The following CASTOR1 variants were observed in gnomAD, a reference collection of about 807,000 sequenced individuals.
CASTOR1 encodes GATS protein like 3.
A neutral mutation model predicts 33.7 loss-of-function variants in CASTOR1; 18 were observed. The observed-to-expected ratio is 0.53, with a 90% CI of 0.37 to 0.79. The LOEUF is 0.79. Ranked by LOEUF, CASTOR1 falls within the 30% of genes least tolerant of loss-of-function variation. The pLI, the probability that CASTOR1 is intolerant of heterozygous loss-of-function variation, is 0.00. For missense variants in CASTOR1, 362 were observed against 446.3 expected, an observed-to-expected ratio of 0.81 and a Z score of 1.70; for synonymous variants, 175 against 190.6, an observed-to-expected ratio of 0.92 and a Z score of 0.67.
At chr22:30,289,089 A>C in intron 1 of CASTOR1, 1 of 558,888 alleles carries the variant, frequency 1.8e-6, no homozygotes, top group East Asian at 3.2e-5. Flanking sequence ...ACATGAAGGG[A>C]GGCGTCCTGG....
At chr22:30,286,182 C>T in intron 6 of CASTOR1, 81 bp downstream of exon 6, 2 of 1,440,170 alleles carry the variant, frequency 1.4e-6, no homozygotes, top group African/African-American at 1.4e-5. Flanking sequence ...CACCTGCTGA[C>T]CTCAGAGTCT....
intron 5 of CASTOR1, 108 bp from the exon 6 acceptor site, chr22:30,286,484 C>T (rs906145649): frequency 8.9e-6 from 7 of 783,192 alleles, no homozygotes; most frequent in Admixed American, 2.2e-5. Flanking sequence ...GTGGCCTGGG[C>T]AGGCTCTGCC....
intron 6 of CASTOR1, 52 bp downstream of exon 6, chr22:30,286,211 T>A: frequency 6.8e-7 from 1 of 1,475,416 alleles, no homozygotes; most frequent in Non-Finnish European, 9.4e-7. Flanking sequence ...ACCTCCTCCC[T>A]GCCTGGGACT....
At chr22:30,288,996 A>G in intron 1 of CASTOR1, 1 of 532,966 alleles carries the variant, frequency 1.9e-6, no homozygotes, top group East Asian at 3.3e-5. Flanking sequence ...CCACCCCTCC[A>G]CTCCTGGAGG....
chr22:30,286,011 C>A lies in CASTOR1; in HGVS notation c.826+5G>T. The A allele has an allele frequency of 6.3e-7, 1 of 1,595,404 alleles. No individual in the cohort carries two copies. The stretch of plus-strand genomic sequence containing the variant: ...CAGCCCCCCAACACCGGGAACAGCC[C>A]TCACCAAAGCCCAGGGGCTGTCCAC... On this transcript the variant is annotated splice_donor_5th_base_variant and intron_variant, in intron 7 of 8. Coordinates refer to ENST00000407689, the MANE Select transcript of CASTOR1 (RefSeq NM_001037666.3).
intron 5 of CASTOR1, 148 bp from the exon 6 acceptor site, chr22:30,286,524 C>T: frequency 4.4e-6 from 3 of 676,712 alleles, no homozygotes; most frequent in Non-Finnish European, 7.6e-6. Flanking sequence ...GGGTCCAGCC[C>T]TCTGGAAGGT....
At position 30,289,503 on chromosome 22, in the gene CASTOR1, C is replaced by T; in HGVS notation, c.-6G>A. 6.4e-7 allele frequency: 1 copy of T among 1,553,442 alleles called. No individual in the cohort carries two copies. Among genetic ancestry groups the T allele is most frequent in the East Asian group, 2.6e-5 (1 of 38,954 alleles). ...TCTAGGATGTGCAGCTCCATCGCGG[C>T]TCGCGCGGACCCGACCCCGCCGCCA... On this transcript the variant is annotated 5_prime_UTR_variant, in exon 1 of 9. Transcript: ENST00000407689.
rs758257661 is a variant in CASTOR1 at position 30,289,400 on chromosome 22, A to G, written c.98T>C (p.Leu33Pro). 1 of 1,592,132 alleles carries G rather than the reference A, an allele frequency of 6.3e-7. No individual in the cohort carries two copies. Among genetic ancestry groups the G allele is most frequent in the Admixed American group, 1.7e-5 (1 of 57,678 alleles). ...GGGCGCGCACCGGCTGCGGCGGGGC[A>G]GGAAGAGCAGCTTGATGAGCGGGTG... ...YTHPLIKLLF[L>P]PRRSRCKFFS... The change falls in exon 1 of 9, where the codon CTG becomes CCG. Residue 33 changes from leucine (L) to proline (P), a missense_variant. Transcript: ENST00000407689.
In CASTOR1 at chr22:30,286,065, C is replaced by G. The variant is rs753908989; in HGVS notation, c.777G>C (p.Ser259=). 6.3e-7 allele frequency: 1 copy of G among 1,582,140 alleles called. No homozygotes were observed. The highest frequency in any genetic ancestry group is 8.6e-7 in the Non-Finnish European group (1 of 1,162,244). The change falls in exon 7 of 9, where the codon TCG becomes TCC. Residue 259 remains serine, a synonymous_variant. Coordinates refer to ENST00000407689, the MANE Select transcript of CASTOR1 (RefSeq NM_001037666.3). The part of the protein sequence containing the change: ...FPSDLLLTSS[S]GELWRMVRIG... Reference sequence around the variant, plus strand: ...TGCGCACCATCCTCCACAGCTCCCCCGAGGAGCTGGTCAGCAGGAGGTCAC... The same window carrying G: ...TGCGCACCATCCTCCACAGCTCCCCGGAGGAGCTGGTCAGCAGGAGGTCAC...
intron 6 of CASTOR1, 55 bp from the exon 7 acceptor site, chr22:30,286,153 G>T: frequency 7.0e-7 from 1 of 1,438,206 alleles, no homozygotes; most frequent in African/African-American, 1.4e-5. Flanking sequence ...CTGCCTGACC[G>T]TGAGCTCTGG....
chr22:30,287,623 TCA>T (rs774190144), intron 2 of CASTOR1, 63 bp from the exon 3 acceptor site: 6 of 1,459,744 alleles, frequency 4.1e-6, no homozygotes, highest in East Asian at 4.9e-5. Flanking sequence ...TCTCTGAGCC[TCA>T]GTTTCCCTTT....
chr22:30,286,993 G>T (rs1601662630), intron 4 of CASTOR1, 45 bp from the exon 5 acceptor site: 1 of 1,579,240 alleles, frequency 6.3e-7, no homozygotes, highest in Non-Finnish European at 8.6e-7. Context: ...GTGGGCTGGG[G>T]CGCCCCCTGG....
At chr22:30,289,318 C>A in intron 1 of CASTOR1, 67 bp downstream of exon 1, 1 of 1,180,888 alleles carries the variant, frequency 8.5e-7, no homozygotes, top group Non-Finnish European at 1.2e-6. Context: ...CCTAATCCTC[C>A]GACCCTGGCC....
At chr22:30,287,804 C>T (rs966096280) in intron 2 of CASTOR1, 1 of 685,768 alleles carries the variant, frequency 1.5e-6, no homozygotes, top group African/African-American at 1.8e-5. Context: ...GTTCAAATCC[C>T]AGCTTTGTTA....
At position 30,286,099 on chromosome 22, in the gene CASTOR1, C is replaced by T; in HGVS notation, c.744-1G>A. On this transcript the variant is annotated splice_acceptor_variant, in intron 6 of 8. Coordinates refer to ENST00000407689, the MANE Select transcript of CASTOR1 (RefSeq NM_001037666.3). LOFTEE classifies it high-confidence loss of function. ...GGTCAGCAGGAGGTCACTGGGGAACCTGGGGAGGGAGATGGGTGATGGGCA... is the reference window on the plus strand; with the variant it reads ...GGTCAGCAGGAGGTCACTGGGGAACTTGGGGAGGGAGATGGGTGATGGGCA... 1 of 1,567,900 alleles carries T rather than the reference C, an allele frequency of 6.4e-7. No individual in the cohort carries two copies. Among genetic ancestry groups the T allele is most frequent in the Non-Finnish European group, 8.7e-7 (1 of 1,155,764 alleles).
intron 5 of CASTOR1, 173 bp from the exon 6 acceptor site, chr22:30,286,549 G>C (rs1286181946): frequency 6.0e-6 from 4 of 661,428 alleles, no homozygotes; most frequent in African/African-American, 5.4e-5. Context: ...GTGGGGATGG[G>C]GGAGGACAAT....
In CASTOR1 at chr22:30,289,464, C is replaced by T; in HGVS notation, c.34G>A (p.Val12Met). ...ELHILEHRVR[V>M]LSVARPGLWL... ...AGACCGGGACGGGCGACGCTCAGCA[C>T]CCGCACCCGGTGTTCTAGGATGTGC... Residue 12 changes from valine to methionine, a missense_variant, in exon 1 of 9, where the codon GTG (valine) becomes ATG (methionine). Coordinates refer to ENST00000407689, the MANE Select transcript of CASTOR1 (RefSeq NM_001037666.3). The T allele has an allele frequency of 6.3e-7, 1 of 1,598,598 alleles. No homozygotes were observed.
chr22:30,286,140 C>T (rs1279373573), intron 6 of CASTOR1, 42 bp from the exon 7 acceptor site: 12 of 1,479,800 alleles, frequency 8.1e-6, no homozygotes, highest in Non-Finnish European at 1.1e-5. Context: ...CCCCCATCCA[C>T]CCCTGCCTGA....
At chr22:30,289,344 G>T (rs1381553277) in intron 1 of CASTOR1, 41 bp downstream of exon 1, 2 of 1,370,278 alleles carry the variant, frequency 1.5e-6, no homozygotes, top group Non-Finnish European at 2.1e-6. Context: ...CGAGAGCAGA[G>T]CCCCCAGCCC....
Sources: gnomAD v4.1 joint callset for allele counts on GRCh38, gnomAD v4.1.1 for gene constraint, MANE v1.5 for transcripts, NCBI Gene and HGNC (gene_info 2026-07-23, HGNC 2026-07-21) for gene names.